P4HA2: variants seen among roughly 807,000 people sequenced by gnomAD.
The protein encoded by P4HA2 is prolyl 4-hydroxylase subunit alpha-2.
P4HA2 carries 46 observed loss-of-function variants against 76.9 expected under a neutral mutation model. The observed-to-expected ratio is 0.60, with a 90% CI of 0.47 to 0.76. P4HA2 has a LOEUF of 0.76. Among genes scored for constraint, P4HA2 ranks in the 30% least tolerant of loss-of-function variants. The pLI, the probability that P4HA2 is intolerant of heterozygous loss-of-function variation, is 0.00. For missense variants in P4HA2, 583 were observed against 669.4 expected (o/e 0.87, Z 1.42); for synonymous variants, 243 against 254.0 (o/e 0.96, Z 0.41).
chr5:132,198,512 C>G lies in P4HA2; in HGVS notation c.1306-132G>C. ...AATCAGCCTGGAATATGTGCCAAAGCTGCAAAGTAAATTCTGGCTAGGGCA... is the reference window on the plus strand; with the variant it reads ...AATCAGCCTGGAATATGTGCCAAAGGTGCAAAGTAAATTCTGGCTAGGGCA... On this transcript the variant is annotated intron_variant, in intron 11 of 14. Transcript: ENST00000360568. The G allele has an allele frequency of 3.5e-6, 3 of 850,004 alleles. No individual in the cohort carries two copies. The South Asian group carries it at 4.6e-5, about 13-fold the overall frequency. 52.7% of individuals were successfully genotyped at this position (850,004 alleles called of 1,614,324 possible).
chr5:132,196,724 G>A (rs1391271776), intron 12 of P4HA2, among the ~76,000 whole-genome samples: 1 of 152,086 alleles, frequency 6.6e-6, no homozygotes, highest in African/African-American at 2.4e-5. Context: ...AGCTGGGCAT[G>A]GTGGTGCACG....
chr5:132,193,877 G>A (rs1750204593), intron 14 of P4HA2, among the ~76,000 whole-genome samples: 1 of 152,008 alleles, frequency 6.6e-6, no homozygotes. Flanking sequence ...AAAATATAAA[G>A]TAATAACATG....
chr5:132,220,613 C>G, intron 1 of P4HA2, among the ~76,000 whole-genome samples: 1 of 152,226 alleles, frequency 6.6e-6, no homozygotes, highest in East Asian at 1.9e-4. Context: ...CTCCTATCAT[C>G]TACGGTTCAT....
intron 1 of P4HA2, 192 bp downstream of exon 1, chr5:132,227,598 A>T (rs1357286765): frequency 6.6e-6 from 1 of 152,622 alleles, no homozygotes; most frequent in Non-Finnish European, 1.5e-5. Context: ...AGACGGGTGC[A>T]GAAACAGGGC....
intron 12 of P4HA2, 48 bp downstream of exon 12, chr5:132,198,273 T>C (rs776622579): frequency 1.2e-6 from 2 of 1,614,216 alleles, no homozygotes; most frequent in South Asian, 2.2e-5. Context: ...CTCATCATTC[T>C]ACAAAATTAA....
Position 132,209,178 on chromosome 5 carries a change from T to A in P4HA2, c.863A>T (p.Asp288Val). Reference sequence around the variant, plus strand: ...CCCACGACAGAGGCTCTCGTAAACATCCCTCTCAGGCAGGTAGTCCACAGG... The same window carrying A: ...CCCACGACAGAGGCTCTCGTAAACAACCCTCTCAGGCAGGTAGTCCACAGG... ...ERPVDYLPER[D>V]VYESLCRGEG... The change falls in exon 7 of 15, where the codon GAT (aspartate) becomes GTT (valine). Residue 288 changes from aspartate (D) to valine (V), a missense_variant. By Grantham distance (152) the Asp-to-Val change is radical. Coordinates refer to ENST00000360568, the MANE Select transcript of P4HA2 (RefSeq NM_001017974.2). 2 of 1,613,940 alleles carry A rather than the reference T, an allele frequency of 1.2e-6. No individual in the cohort carries two copies. Among genetic ancestry groups the A allele is most frequent in the South Asian group, 2.2e-5 (2 of 91,058 alleles).
intron 1 of P4HA2, among the ~76,000 whole-genome samples, chr5:132,221,442 T>G (rs982087003): frequency 6.6e-6 from 1 of 152,158 alleles, no homozygotes; most frequent in Admixed American, 6.5e-5. Flanking sequence ...ACTACAACAA[T>G]AGAAGATTTT....
chr5:132,215,630 G>C (rs987097033), intron 4 of P4HA2, among the ~76,000 whole-genome samples: 1 of 152,208 alleles, frequency 6.6e-6, no homozygotes, highest in Non-Finnish European at 1.5e-5. Flanking sequence ...CTCAGCCAGA[G>C]AGACAGCTAG....
chr5:132,195,704 T>C (rs1468449483), intron 12 of P4HA2: 2 of 583,412 alleles, frequency 3.4e-6, no homozygotes, highest in African/African-American at 3.7e-5. Flanking sequence ...TGTTCAAGAG[T>C]TGAGGCCCAC....
chr5:132,194,988 C>G lies in P4HA2; in HGVS notation c.1469G>C (p.Ser490Thr). 1 of 1,613,708 alleles carries G rather than the reference C, an allele frequency of 6.2e-7. No homozygotes were observed. Among genetic ancestry groups the G allele is most frequent in the East Asian group, 2.2e-5 (1 of 44,878 alleles). The part of the protein sequence containing the change: ...TAVFWYNLLR[S>T]GEGDYRTRHA... ...TCTTGTTCGGTAGTCACCTTCCCCG[C>G]TCCGCAAGAGGTTGTACCAGAACAC... Residue 490 changes from serine to threonine, a missense_variant, in exon 14 of 15, where the codon AGC (serine) becomes ACC (threonine). Physicochemically the swap from Ser to Thr is moderately conservative, Grantham distance 58. Transcript: ENST00000360568.
At chr5:132,204,667 C>T (rs1405497287) in intron 8 of P4HA2, among the ~76,000 whole-genome samples, 1 of 152,240 alleles carries the variant, frequency 6.6e-6, no homozygotes, top group Non-Finnish European at 1.5e-5. Flanking sequence ...TCTCCTGCTG[C>T]ACCACCTCAC....
At chr5:132,215,802 T>C (rs1013031927) in intron 4 of P4HA2, among the ~76,000 whole-genome samples, 5 of 131,902 alleles carry the variant, frequency 3.8e-5, no homozygotes, top group Non-Finnish European at 7.7e-5. Flanking sequence ...CACCTGTGAA[T>C]AGCCACTGCA....
At chr5:132,193,586 G>A (rs1352911225) in intron 14 of P4HA2, 7 of 152,268 alleles carry the variant, frequency 4.6e-5, no homozygotes, top group African/African-American at 1.7e-4. Context: ...GACTCAAGAG[G>A]CCTAATATTA....
At chr5:132,217,469 A>G (rs930804366) in intron 3 of P4HA2, 121 bp from the exon 4 acceptor site, 2 of 876,010 alleles carry the variant, frequency 2.3e-6, no homozygotes, top group Non-Finnish European at 1.8e-6. Context: ...TCAAGAGGCA[A>G]TGAAAAATGA....
chr5:132,208,603 G>T (rs1752584552), intron 7 of P4HA2, among the ~76,000 whole-genome samples: 1 of 151,842 alleles, frequency 6.6e-6, no homozygotes, highest in Non-Finnish European at 1.5e-5. Flanking sequence ...GACTTGAGTA[G>T]GTCTGAAGGG....
chr5:132,219,806 C>A (rs1754416237), intron 1 of P4HA2, among the ~76,000 whole-genome samples: 3 of 152,168 alleles, frequency 2.0e-5, no homozygotes. Flanking sequence ...ATTAGACACA[C>A]AGCACACCCA....
At chr5:132,216,176 A>AG (rs1206904823) in intron 4 of P4HA2, among the ~76,000 whole-genome samples, 1 of 150,752 alleles carries the variant, frequency 6.6e-6, no homozygotes, top group African/African-American at 2.4e-5. Context: ...AAAAAAAAAA[A>AG]AAAAAAAAAA....
At chr5:132,213,889 C>G in intron 5 of P4HA2, 27 bp downstream of exon 5, 1 of 1,611,994 alleles carries the variant, frequency 6.2e-7, no homozygotes, top group Non-Finnish European at 8.5e-7. Context: ...ACATGCGGGA[C>G]AGGCAACGCC....
chr5:132,195,404 G>C lies in P4HA2; in HGVS notation c.1434+8C>G, dbSNP rs116723404. On this transcript the variant is annotated splice_region_variant and intron_variant, in intron 13 of 14. Transcript: ENST00000360568. ...TTCAACCTCTGACCCACAAGAATCA[G>C]AACTTACCTTCTTAGGCCAAATTGC... is the stretch of plus-strand genomic sequence containing the variant. 1 of 1,603,908 alleles carries C rather than the reference G, an allele frequency of 6.2e-7. No homozygotes were observed. Among genetic ancestry groups the C allele is most frequent in the African/African-American group, 1.3e-5 (1 of 74,738 alleles).
Sources: allele counts gnomAD v4.1 joint callset (sites outside exome capture counted in the v4.1 genomes callset), GRCh38; gene constraint gnomAD v4.1.1; transcripts MANE v1.5; gene names NCBI Gene and HGNC (gene_info 2026-07-23, HGNC 2026-07-21).